Variants in STPG2 observed in about 807,000 individuals in gnomAD.
STPG2 encodes the protein sperm-tail PG-rich repeat-containing protein 2.
A neutral mutation model predicts 54.2 loss-of-function variants in STPG2; 56 were observed. That is an observed-to-expected ratio of 1.03 (90% CI 0.83 to 1.29). STPG2 has a LOEUF of 1.29. Among genes scored for constraint, STPG2 ranks in the 50% most tolerant of loss-of-function variants. The pLI is 0.00. For missense variants in STPG2, 596 were observed against 544.9 expected, an observed-to-expected ratio of 1.09 and a Z score of -0.93; for synonymous variants, 200 against 181.8, an observed-to-expected ratio of 1.10 and a Z score of -0.81.
At chr4:97,682,184 G>T (rs1385286516) in intron 10 of STPG2, among the ~76,000 whole-genome samples, 1 of 151,606 alleles carries the variant, frequency 6.6e-6, no homozygotes, top group East Asian at 1.9e-4. Context: ...GCATACAAAA[G>T]ATCTATTAAC....
At position 97,495,819 on chromosome 4, in the gene STPG2, A is replaced by G. The variant is rs1410886050; in HGVS notation, c.462+216880T>C. ...CATAAGAAGTTTGGTAAAATAAAAT[A>G]AAATAAAATAAGTAAATAAATGGCT... On this transcript the variant is annotated intron_variant, in intron 4 of 4. Transcript: ENST00000522676. Among the ~76,000 whole-genome samples the G allele has an allele frequency of 4.0e-5, 6 of 151,572 alleles. No homozygotes were observed. In the Admixed American group the frequency reaches 4.0e-4, roughly 10 times the overall value.
At chr4:97,562,842 G>C (rs1732296864) in intron 10 of STPG2, among the ~76,000 whole-genome samples, 1 of 152,132 alleles carries the variant, frequency 6.6e-6, no homozygotes, top group African/African-American at 2.4e-5. Flanking sequence ...GATTCGGTTT[G>C]CCAATATTTT....
chr4:97,588,260 TA>T (rs924958852), intron 10 of STPG2, among the ~76,000 whole-genome samples: 1 of 151,738 alleles, frequency 6.6e-6, no homozygotes, highest in Non-Finnish European at 1.5e-5. Context: ...TAAATTTGAT[TA>T]AAAAAATTAA....
chr4:97,578,948 T>C (rs1278122851), intron 10 of STPG2, among the ~76,000 whole-genome samples: 1 of 152,144 alleles, frequency 6.6e-6, no homozygotes, highest in Non-Finnish European at 1.5e-5. Context: ...GATTTAAGAA[T>C]TTTAAATTTT....
At chr4:97,996,840 T>G (rs1735257152) in intron 5 of STPG2, among the ~76,000 whole-genome samples, 1 of 152,090 alleles carries the variant, frequency 6.6e-6, no homozygotes, top group South Asian at 2.1e-4. Flanking sequence ...AAAAAAATGC[T>G]CAACATCACT....
At chr4:98,033,136 A>AC (rs1736653155) in intron 5 of STPG2, among the ~76,000 whole-genome samples, 1 of 151,602 alleles carries the variant, frequency 6.6e-6, no homozygotes, top group East Asian at 1.9e-4. Context: ...CACAAAAAAA[A>AC]CCCTTCAAAA....
In STPG2 at chr4:97,446,504, G is replaced by A. The variant is rs181584067; in HGVS notation, c.463-258671C>T. 1.8e-3 allele frequency among the ~76,000 whole-genome samples: 278 copies of A among 152,244 alleles called. 1 individual carries two copies. Among genetic ancestry groups the A allele is most frequent in the African/African-American group, 6.4e-3 (265 of 41,526 alleles). ...AAAATGTAGTAACCATATAACTTAGGGAGGACAGGTATACTCACTGATATG... is the reference window on the plus strand; with the variant it reads ...AAAATGTAGTAACCATATAACTTAGAGAGGACAGGTATACTCACTGATATG... On this transcript the variant is annotated intron_variant, in intron 4 of 4. Transcript: ENST00000522676.
chr4:97,918,646 T>A, intron 8 of STPG2, among the ~76,000 whole-genome samples: 1 of 151,952 alleles, frequency 6.6e-6, no homozygotes. Context: ...AAAAAAGGAA[T>A]GAAATAATGG....
intron 7 of STPG2, among the ~76,000 whole-genome samples, chr4:97,967,592 G>A (rs995689074): frequency 2.0e-5 from 3 of 152,042 alleles, no homozygotes; most frequent in African/African-American, 7.3e-5. Context: ...TTCCAAAATT[G>A]ACCACATAGT....
rs1196068060 is a variant in STPG2, at chr4:97,577,779, T to C, written c.1321-18662A>G. Among the ~76,000 whole-genome samples, 73 of 152,172 alleles carry C rather than the reference T, an allele frequency of 4.8e-4. 1 individual carries two copies. The highest frequency in any genetic ancestry group is 6.5e-5 in the Admixed American group (1 of 15,268). On this transcript the variant is annotated intron_variant, in intron 10 of 10. Transcript: ENST00000295268. The stretch of plus-strand genomic sequence containing the variant: ...ATCTTTTTCTTTCTTTTCACATCTA[T>C]TAACCAGGACAGATTTCTCTTAACA...
chr4:97,541,637 A>T (rs910788122), intron 4 of STPG2, among the ~76,000 whole-genome samples: 1 of 152,154 alleles, frequency 6.6e-6, no homozygotes, highest in Non-Finnish European at 1.5e-5. Flanking sequence ...GTTTATATGG[A>T]ACCAAAAAAG....
At chr4:97,682,793 C>T (rs1389705052) in intron 10 of STPG2, among the ~76,000 whole-genome samples, 1 of 151,794 alleles carries the variant, frequency 6.6e-6, no homozygotes, top group Non-Finnish European at 1.5e-5. Context: ...CAGATTTGAA[C>T]ATGGGCATCA....
At chr4:97,955,984 T>TC (rs1177652826) in intron 7 of STPG2, among the ~76,000 whole-genome samples, 1 of 152,016 alleles carries the variant, frequency 6.6e-6, no homozygotes, top group African/African-American at 2.4e-5. Flanking sequence ...AGGAAGTTTT[T>TC]CAGACAGAAG....
At chr4:97,560,106 A>T (rs962732820) in intron 10 of STPG2, among the ~76,000 whole-genome samples, 3 of 152,058 alleles carry the variant, frequency 2.0e-5, no homozygotes, top group Non-Finnish European at 2.9e-5. Context: ...TCCCATGATG[A>T]CCCTTAGGAT....
In STPG2 at chr4:98,119,157, C is replaced by A. The variant is rs556300647; in HGVS notation, c.387+9271G>T. Among the ~76,000 whole-genome samples, 39 of 152,056 alleles carry A rather than the reference C, an allele frequency of 2.6e-4. 1 individual carries two copies. In the South Asian group the frequency reaches 8.1e-3, roughly 32 times the overall value. On this transcript the variant is annotated intron_variant, in intron 3 of 10. Coordinates refer to ENST00000295268, the MANE Select transcript of STPG2 (RefSeq NM_174952.3). ...ATCTATTTAGTCTTAAAGTAATCCT[C>A]AAAAAATATTCACTTTACATGAGTT...
chr4:97,998,177 A>G (rs1735302902), intron 5 of STPG2, among the ~76,000 whole-genome samples: 1 of 152,188 alleles, frequency 6.6e-6, no homozygotes, highest in South Asian at 2.1e-4. Context: ...CTTCCATTAG[A>G]AGATGGAATC....
At chr4:97,660,877 T>C (rs961333991) in intron 10 of STPG2, among the ~76,000 whole-genome samples, 1 of 152,158 alleles carries the variant, frequency 6.6e-6, no homozygotes, top group Non-Finnish European at 1.5e-5. Flanking sequence ...TACAATAATT[T>C]CATAATCCGT....
chr4:98,025,708 G>A (rs1254083806), intron 5 of STPG2: 3 of 1,391,994 alleles, frequency 2.2e-6, no homozygotes, highest in South Asian at 2.3e-5. Context: ...TGGCCTGCAG[G>A]CTACTCAATA....
chr4:97,611,265 T>C (rs1472316275), intron 10 of STPG2, among the ~76,000 whole-genome samples: 6 of 151,434 alleles, frequency 4.0e-5, no homozygotes, highest in Non-Finnish European at 8.8e-5. Flanking sequence ...CCATGATCCC[T>C]AACCTCATGG....
Sources: allele counts gnomAD v4.1 joint callset (sites outside exome capture counted in the v4.1 genomes callset), GRCh38; gene constraint gnomAD v4.1.1; transcripts MANE v1.5; gene names NCBI Gene and HGNC (gene_info 2026-07-23, HGNC 2026-07-21).